GABRR2: variants seen among roughly 807,000 people sequenced by gnomAD.
The protein encoded by GABRR2 is gamma-aminobutyric acid type A receptor subunit rho2.
A neutral mutation model predicts 47.0 loss-of-function variants in GABRR2; 36 were observed. The observed-to-expected ratio is 0.77, with a 90% CI of 0.59 to 1.01. The LOEUF is 1.01. Among genes scored for constraint, GABRR2 ranks in the 50% least tolerant of loss-of-function variants. GABRR2 has a pLI of 0.00. For missense variants in GABRR2, 587 were observed against 594.6 expected (o/e 0.99, Z 0.13); for synonymous variants, 204 against 227.5 (o/e 0.90, Z 0.93).
chr6:89,291,875 C>G (rs1170840828), intron 2 of GABRR2, among the ~76,000 whole-genome samples: 2 of 152,150 alleles, frequency 1.3e-5, no homozygotes, highest in African/African-American at 4.8e-5. Context: ...CGGCTCTTCC[C>G]CAGGGCAGCC....
At chr6:89,298,895 G>C (rs889254464) in intron 2 of GABRR2, among the ~76,000 whole-genome samples, 14 of 152,242 alleles carry the variant, frequency 9.2e-5, no homozygotes, top group African/African-American at 3.4e-4. Context: ...CTAGAGAGCT[G>C]CCTTGCCCCA....
At position 89,255,361 on chromosome 6, in the gene GABRR2, C is replaced by T. The variant is rs960752334; in HGVS notation, c.*2309G>A. 2.6e-5 allele frequency among the ~76,000 whole-genome samples: 4 copies of T among 152,116 alleles called. No homozygotes were observed. Among genetic ancestry groups the T allele is most frequent in the East Asian group, 1.9e-4 (1 of 5,188 alleles). On this transcript the variant is annotated 3_prime_UTR_variant, in exon 9 of 9. Transcript: ENST00000402938. ...CTGAGGCAGGAGAATTGCTTGAACC[C>T]GGGAGGCAGAGGTTGTGGTGAGCCA...
intron 8 of GABRR2, among the ~76,000 whole-genome samples, chr6:89,261,345 C>G (rs1039939120): frequency 1.3e-5 from 2 of 152,100 alleles, no homozygotes. Flanking sequence ...AAATAAGCAA[C>G]CTAGTATAAT....
intron 1 of GABRR2, among the ~76,000 whole-genome samples, chr6:89,305,083 C>A (rs923968381): frequency 1.3e-5 from 2 of 152,232 alleles, no homozygotes; most frequent in Non-Finnish European, 2.9e-5. Context: ...TATGGCCACA[C>A]ATGGTGGCTC....
At chr6:89,297,328 C>T (rs546549875) in intron 2 of GABRR2, among the ~76,000 whole-genome samples, 1 of 152,234 alleles carries the variant, frequency 6.6e-6, no homozygotes, top group South Asian at 2.1e-4. Context: ...ATGAATATGT[C>T]AGCTCTGCGC....
intron 2 of GABRR2, among the ~76,000 whole-genome samples, chr6:89,298,971 T>C (rs1238502308): frequency 6.6e-6 from 1 of 152,100 alleles, no homozygotes; most frequent in East Asian, 1.9e-4. Context: ...TCAGCACACA[T>C]GGAAACTGTT....
At position 89,264,395 on chromosome 6, in the gene GABRR2, C is replaced by T. The variant is rs373172795; in HGVS notation, c.1086+17G>A. 2.3e-4 allele frequency: 377 copies of T among 1,608,516 alleles called. 3 individuals are homozygous for T. The African/African-American group carries it at 2.6e-3, about 11-fold the overall frequency. Reference sequence around the variant, plus strand: ...CAGCAGCATGGACTTAGACAAGGGCCGAAGAAGCCCTCTCACCTTCTCCCG... The same window carrying T: ...CAGCAGCATGGACTTAGACAAGGGCTGAAGAAGCCCTCTCACCTTCTCCCG... On this transcript the variant is annotated intron_variant, in intron 8 of 8. Coordinates refer to ENST00000402938, the MANE Select transcript of GABRR2 (RefSeq NM_002043.5).
intron 7 of GABRR2, 35 bp from the exon 8 acceptor site, chr6:89,264,643 C>T (rs781456207): frequency 2.0e-5 from 32 of 1,607,638 alleles, no homozygotes; most frequent in Middle Eastern, 1.7e-4. Context: ...CTGCTGACAG[C>T]GGTCTAGAAC....
At chr6:89,268,977 C>G in intron 4 of GABRR2, 34 bp downstream of exon 4, 1 of 1,588,068 alleles carries the variant, frequency 6.3e-7, no homozygotes, top group South Asian at 1.1e-5. Context: ...CAGAAAGGCA[C>G]TGGACAGAGG....
chr6:89,258,049 A>G (rs1031160163), intron 8 of GABRR2, 68 bp from the exon 9 acceptor site: 1 of 1,438,928 alleles, frequency 6.9e-7, no homozygotes, highest in South Asian at 1.4e-5. Context: ...GGCCTGGCCC[A>G]AGAGCAAAGC....
Position 89,269,080 on chromosome 6 carries a change from G to A in GABRR2, c.443C>T (p.Thr148Ile), listed in dbSNP as rs1222030054. 10 of 1,614,048 alleles carry A rather than the reference G, an allele frequency of 6.2e-6. No homozygotes were observed. The highest frequency in any genetic ancestry group is 8.5e-6 in the Non-Finnish European group (10 of 1,179,890). ...GATGTTGTCAGTGGTGGTGTCATGA[G>A]TGAACGATCTTTTGGAGTGAACAAA... is the stretch of plus-strand genomic sequence containing the variant. Reference protein sequence around the residue: ...VFFVHSKRSFTHDTTTDNIML... With the variant: ...VFFVHSKRSFIHDTTTDNIML... The change falls in exon 4 of 9, where the codon ACT (threonine) becomes ATT (isoleucine). Residue 148 changes from threonine (T) to isoleucine (I), a missense_variant. By Grantham distance (89) the Thr-to-Ile change is moderately conservative (BLOSUM62 -1). Transcript: ENST00000402938.
intron 1 of GABRR2, among the ~76,000 whole-genome samples, chr6:89,300,327 T>A (rs1774644296): frequency 6.6e-6 from 1 of 152,116 alleles, no homozygotes; most frequent in Non-Finnish European, 1.5e-5. Context: ...CTAGCCAACA[T>A]GGTGAAACCC....
At chr6:89,301,854 C>T in intron 1 of GABRR2, 2 of 1,141,456 alleles carry the variant, frequency 1.8e-6, no homozygotes, top group Non-Finnish European at 1.3e-6. Context: ...GGGAAGTCAT[C>T]AGTGATGAGC....
In GABRR2 at chr6:89,290,058, G is replaced by A. The variant is rs761756693; in HGVS notation, c.220+9701C>T. On this transcript the variant is annotated intron_variant, in intron 2 of 8. Transcript: ENST00000402938. The stretch of plus-strand genomic sequence containing the variant: ...AAGAGAACAAACAGTGCCAAGTAGC[G>A]CTCCATGACCCAAACACCTCCCATT... Among the ~76,000 whole-genome samples the A allele has an allele frequency of 6.6e-5, 10 of 152,208 alleles. No homozygotes were observed. The South Asian group carries it at 1.5e-3, about 22-fold the overall frequency.
chr6:89,269,506 C>A (rs1773994869), intron 3 of GABRR2, among the ~76,000 whole-genome samples: 1 of 152,258 alleles, frequency 6.6e-6, no homozygotes, highest in African/African-American at 2.4e-5. Flanking sequence ...GCAGCCTGGC[C>A]TGGTGGCCAG....
rs1001483485 is a variant in GABRR2, at chr6:89,254,490, T to C, written c.*3180A>G. ...TTTTGTATAAAACCCATTTCTTTTA[T>C]TGTAACATTAACATTTTTTCACAGT... On this transcript the variant is annotated 3_prime_UTR_variant, in exon 9 of 9. Coordinates refer to ENST00000402938, the MANE Select transcript of GABRR2 (RefSeq NM_002043.5). Among the ~76,000 whole-genome samples, 11 of 152,250 alleles carry C rather than the reference T, an allele frequency of 7.2e-5. No homozygotes were observed. Among genetic ancestry groups the C allele is most frequent in the African/African-American group, 2.7e-4 (11 of 41,452 alleles).
intron 8 of GABRR2, among the ~76,000 whole-genome samples, chr6:89,263,868 G>T (rs1239208400): frequency 6.6e-6 from 1 of 151,476 alleles, no homozygotes; most frequent in African/African-American, 2.4e-5. Flanking sequence ...CACATAAAAG[G>T]TTTTTTTTTA....
At chr6:89,271,024 G>A (rs282118) in intron 3 of GABRR2, among the ~76,000 whole-genome samples, 5,641 of 152,258 alleles carry the variant, frequency 0.037, 355 homozygotes, top group African/African-American at 0.13. Flanking sequence ...GCTAAGTCCT[G>A]AAGGATAAGA....
intron 2 of GABRR2, among the ~76,000 whole-genome samples, chr6:89,277,400 G>T (rs1313513988): frequency 6.6e-6 from 1 of 152,120 alleles, no homozygotes; most frequent in East Asian, 1.9e-4. Flanking sequence ...ATAGCAGCAT[G>T]AGAATAACTA....
Sources: allele counts gnomAD v4.1 joint callset (sites outside exome capture counted in the v4.1 genomes callset), GRCh38; gene constraint gnomAD v4.1.1; transcripts MANE v1.5; gene names NCBI Gene and HGNC (gene_info 2026-07-23, HGNC 2026-07-21).